KYAT3: variants seen among roughly 807,000 people sequenced by gnomAD.
KYAT3 encodes the protein kynurenine aminotransferase 3, also known as kynurenine--oxoglutarate transaminase 3.
In KYAT3, 50 loss-of-function variants were observed where a neutral mutation model predicts 59.0. That is an observed-to-expected ratio of 0.85 (90% CI 0.68 to 1.07). The LOEUF is 1.07. KYAT3 is among the 50% of genes least tolerant of loss of function. The pLI, the probability that KYAT3 is intolerant of heterozygous loss-of-function variation, is 0.00. For missense variants in KYAT3, 497 were observed against 533.3 expected, an observed-to-expected ratio of 0.93 and a Z score of 0.67; for synonymous variants, 148 against 177.0, an observed-to-expected ratio of 0.84 and a Z score of 1.30.
chr1:88,966,445 T>A (rs909813688), intron 4 of KYAT3, among the ~76,000 whole-genome samples: 2 of 152,192 alleles, frequency 1.3e-5, no homozygotes, highest in African/African-American at 4.8e-5. Context: ...GGATATATTT[T>A]AAAAAATTTA....
the KYAT3 span, among the ~76,000 whole-genome samples, chr1:88,930,355 T>C: frequency 0.018 from 2,461 of 135,740 alleles, 36 homozygotes; most frequent in Middle Eastern, 0.056. Context: ...GCTGCGACTG[T>C]GCACTTGCGC....
chr1:88,954,941 G>A (rs1026576741), intron 9 of KYAT3, among the ~76,000 whole-genome samples: 11 of 152,030 alleles, frequency 7.2e-5, no homozygotes, highest in African/African-American at 1.7e-4. Context: ...TTTAAAAAAT[G>A]TATTTGTAGA....
intron 1 of KYAT3, among the ~76,000 whole-genome samples, chr1:88,991,983 G>GC (rs1553173714): frequency 6.9e-6 from 1 of 144,796 alleles, no homozygotes; most frequent in Admixed American, 6.8e-5. Context: ...TATTCTTTTG[G>GC]TTTTTTTTTT....
intron 8 of KYAT3, among the ~76,000 whole-genome samples, chr1:88,959,124 T>A (rs1307447785): frequency 6.6e-6 from 1 of 151,774 alleles, no homozygotes; most frequent in East Asian, 1.9e-4. Context: ...CAAAAATTTT[T>A]AAAAAATTAG....
intron 5 of KYAT3, 53 bp downstream of exon 5, chr1:88,964,776 G>T: frequency 7.4e-7 from 1 of 1,345,226 alleles, no homozygotes; most frequent in Non-Finnish European, 1.0e-6. Context: ...TTCAAAGGTG[G>T]GACAAATGAT....
intron 8 of KYAT3, 58 bp downstream of exon 8, chr1:88,961,109 G>A (rs1472852973): frequency 6.3e-7 from 1 of 1,591,886 alleles, no homozygotes; most frequent in African/African-American, 1.3e-5. Flanking sequence ...TTTCCAATCA[G>A]TTCTTCCATA....
At chr1:88,976,672 ATTG>A (rs1012713997) in intron 2 of KYAT3, among the ~76,000 whole-genome samples, 1 of 152,212 alleles carries the variant, frequency 6.6e-6, no homozygotes, top group African/African-American at 2.4e-5. Context: ...GGAAGAAGAC[ATTG>A]TTATCATAGC....
chr1:88,990,134 T>A (rs1406729173), intron 1 of KYAT3, among the ~76,000 whole-genome samples: 1 of 152,142 alleles, frequency 6.6e-6, no homozygotes, highest in African/African-American at 2.4e-5. Context: ...CCCAGTATAA[T>A]AAAGGAAATT....
the KYAT3 span, among the ~76,000 whole-genome samples, chr1:88,926,343 G>A: frequency 6.6e-6 from 1 of 151,880 alleles, no homozygotes; most frequent in Admixed American, 6.6e-5. Context: ...ACAGGGTCTC[G>A]CTCTGTCACC....
chr1:88,955,258 T>C, intron 8 of KYAT3, 33 bp from the exon 9 acceptor site: 2 of 1,276,874 alleles, frequency 1.6e-6, no homozygotes, highest in Non-Finnish European at 2.3e-6. Context: ...GTAAATATTG[T>C]TTTCCAATTA....
chr1:88,946,243 G>A (rs1054453088), intron 11 of KYAT3, among the ~76,000 whole-genome samples: 4 of 151,958 alleles, frequency 2.6e-5, no homozygotes, highest in Non-Finnish European at 5.9e-5. Flanking sequence ...AGGAAGTTTA[G>A]TCTCAAGTTA....
downstream of KYAT3, among the ~76,000 whole-genome samples, chr1:88,931,057 A>G (rs908321419): frequency 1.3e-5 from 2 of 152,174 alleles, no homozygotes; most frequent in African/African-American, 4.8e-5. Context: ...TCCCCTCAGG[A>G]TGGCTAGCCA....
the KYAT3 span, among the ~76,000 whole-genome samples, chr1:88,923,049 AG>A: frequency 6.6e-6 from 1 of 152,190 alleles, no homozygotes; most frequent in Non-Finnish European, 1.5e-5. Context: ...GCTTGGTGAA[AG>A]ATTATAAACA....
At chr1:88,983,199 T>C (rs1017394038) in intron 2 of KYAT3, 30 of 1,612,788 alleles carry the variant, frequency 1.9e-5, no homozygotes, top group Non-Finnish European at 2.5e-5. Context: ...CCATCATCTC[T>C]TGGGGACAAA....
chr1:88,984,204 CTTTTTTTTTTTTTTTTT>C (rs908183722), intron 2 of KYAT3: 1 of 81,470 alleles, frequency 1.2e-5, no homozygotes, highest in African/African-American at 4.4e-5. Context: ...TTTTTTGTTG[CTTTTTTTTTTTTTTTTT>C]TTTTTTTTTG....
chr1:88,942,921 A>AT, intron 13 of KYAT3, 84 bp downstream of exon 13: 1 of 1,069,516 alleles, frequency 9.4e-7, no homozygotes, highest in Non-Finnish European at 1.4e-6. Flanking sequence ...TGAGCATATC[A>AT]TTTTTAGAAA....
intron 2 of KYAT3, among the ~76,000 whole-genome samples, chr1:88,978,676 A>ATTT (rs34867665): frequency 1.8e-4 from 26 of 143,410 alleles, no homozygotes; most frequent in South Asian, 9.0e-4. Context: ...TTTGTTCTTA[A>ATTT]TTTTTTTTTT....
rs74100108 is a variant in KYAT3 at position 88,988,163 on chromosome 1, T to G, written c.99+89A>C. On this transcript the variant is annotated intron_variant, in intron 2 of 13. Coordinates refer to ENST00000260508, the MANE Select transcript of KYAT3 (RefSeq NM_001008661.3). ...AATAGAAATGTTCATTTCAATAAAGTATTTGTAAAAAAGCATCTGAAAAAT... is the reference window on the plus strand; with the variant it reads ...AATAGAAATGTTCATTTCAATAAAGGATTTGTAAAAAAGCATCTGAAAAAT... 15,275 of 787,572 alleles carry G rather than the reference T, an allele frequency of 0.019. 1,643 individuals are homozygous for G. In the African/African-American group the frequency reaches 0.23, roughly 12 times the overall value. 48.8% of individuals were successfully genotyped at this position (787,572 alleles called of 1,614,324 possible).
At chr1:88,967,848 A>C (rs1384525313) in intron 4 of KYAT3, among the ~76,000 whole-genome samples, 2 of 151,968 alleles carry the variant, frequency 1.3e-5, no homozygotes, top group African/African-American at 4.8e-5. Context: ...TTTTGGTTTC[A>C]TTAATTTTCT....
Sources: allele counts gnomAD v4.1 joint callset (sites outside exome capture counted in the v4.1 genomes callset), GRCh38; gene constraint gnomAD v4.1.1; transcripts MANE v1.5; gene names NCBI Gene and HGNC (gene_info 2026-07-23, HGNC 2026-07-21).